The following PTCHD4 variants were observed in gnomAD, a reference collection of about 807,000 sequenced individuals.
PTCHD4 encodes the protein patched domain containing 4.
PTCHD4 carries 33 observed loss-of-function variants against 58.1 expected under a neutral mutation model. That is an observed-to-expected ratio of 0.57 (90% CI 0.43 to 0.76). PTCHD4 has a LOEUF of 0.76. Ranked by LOEUF, PTCHD4 falls within the 30% of genes least tolerant of loss-of-function variation. The probability of loss-of-function intolerance (pLI) is 0.00; values close to 1 mark genes in which losing one functional copy is unlikely to be tolerated. For missense variants in PTCHD4, 1,058 were observed against 1,027.1 expected, an observed-to-expected ratio of 1.03 and a Z score of -0.41; for synonymous variants, 478 against 409.6, an observed-to-expected ratio of 1.17 and a Z score of -2.02.
intron 4 of PTCHD4, among the ~76,000 whole-genome samples, chr6:47,912,712 A>T (rs1414226682): frequency 2.6e-5 from 4 of 152,162 alleles, no homozygotes; most frequent in Non-Finnish European, 1.5e-5. Flanking sequence ...AATTTGAGGT[A>T]AAATAAACCC....
At chr6:47,922,615 C>G (rs189042712) in intron 4 of PTCHD4, among the ~76,000 whole-genome samples, 174 of 152,340 alleles carry the variant, frequency 1.1e-3, no homozygotes, top group African/African-American at 3.8e-3. Context: ...CAAGTGGAAT[C>G]TGGGCTGGAT....
intron 3 of PTCHD4, among the ~76,000 whole-genome samples, chr6:48,035,243 T>C (rs959283036): frequency 2.0e-5 from 3 of 152,036 alleles, no homozygotes; most frequent in African/African-American, 4.8e-5. Context: ...ATCTAACAGC[T>C]CAGACTCTAT....
At chr6:47,976,011 G>A (rs948632528) in intron 4 of PTCHD4, among the ~76,000 whole-genome samples, 4 of 151,962 alleles carry the variant, frequency 2.6e-5, no homozygotes, top group Admixed American at 2.0e-4. Context: ...TACCTTTTTC[G>A]AGCATTTATG....
intron 4 of PTCHD4, among the ~76,000 whole-genome samples, chr6:47,891,109 C>T (rs563860551): frequency 6.7e-6 from 1 of 149,244 alleles, no homozygotes; most frequent in East Asian, 2.0e-4. Flanking sequence ...GTAATCCCAG[C>T]TACTTGGGAG....
chr6:47,970,301 T>C (rs953807192), intron 4 of PTCHD4, among the ~76,000 whole-genome samples: 9 of 152,054 alleles, frequency 5.9e-5, no homozygotes, highest in African/African-American at 2.2e-4. Context: ...TAAGAGACAA[T>C]ATTAGATGAA....
At chr6:48,015,066 A>ATAGGAGAG (rs1762820839) in intron 3 of PTCHD4, among the ~76,000 whole-genome samples, 1 of 150,570 alleles carries the variant, frequency 6.6e-6, no homozygotes, top group African/African-American at 2.5e-5. Flanking sequence ...AAAACCTCCT[A>ATAGGAGAG]CAAAAGTTCT....
In PTCHD4 at chr6:47,856,919, T is replaced by C. The variant is rs149297592; in HGVS notation, c.*21384A>G. On this transcript the variant is annotated 3_prime_UTR_variant, in exon 5 of 5. Coordinates refer to ENST00000339488, the MANE Select transcript of PTCHD4 (RefSeq NM_001384253.1). ...ATATGTTTGTAATAGCTTTTCATAA[T>C]GGGAAGGGACAATATTCATATTTAA... Among the ~76,000 whole-genome samples, 210 of 152,186 alleles carry C rather than the reference T, an allele frequency of 1.4e-3. 3 individuals are homozygous for C. Among genetic ancestry groups the C allele is most frequent in the African/African-American group, 4.8e-3 (199 of 41,574 alleles).
intron 4 of PTCHD4, among the ~76,000 whole-genome samples, chr6:47,961,448 A>G (rs1767091514): frequency 6.6e-6 from 1 of 151,846 alleles, no homozygotes; most frequent in South Asian, 2.1e-4. Context: ...CCCACTACCC[A>G]TGCCTGGCTA....
chr6:47,933,717 C>G (rs1271316577), intron 4 of PTCHD4, among the ~76,000 whole-genome samples: 1 of 152,004 alleles, frequency 6.6e-6, no homozygotes, highest in Non-Finnish European at 1.5e-5. Context: ...ATCATGAGTA[C>G]TAGTTATTTA....
chr6:47,875,451 C>G lies in PTCHD4; in HGVS notation c.*2852G>C, dbSNP rs1473324265. Among the ~76,000 whole-genome samples the G allele has an allele frequency of 6.6e-6, 1 of 151,820 alleles. No individual in the cohort carries two copies. The highest frequency in any genetic ancestry group is 1.9e-4 in the East Asian group (1 of 5,148). On this transcript the variant is annotated 3_prime_UTR_variant, in exon 5 of 5. Coordinates refer to ENST00000339488, the MANE Select transcript of PTCHD4 (RefSeq NM_001384253.1). ...TCAGACGATGCTCTGTTAGATTCTT[C>G]TTAGGATTAAATTACTTCCTAGGAC...
chr6:47,920,028 G>C (rs150544000), intron 4 of PTCHD4, among the ~76,000 whole-genome samples: 1 of 151,966 alleles, frequency 6.6e-6, no homozygotes, highest in Admixed American at 6.6e-5. Flanking sequence ...GAAGGAACCC[G>C]GTCCCTGAAT....
At chr6:48,061,769 A>C (rs1231691677) in intron 3 of PTCHD4, among the ~76,000 whole-genome samples, 2 of 152,186 alleles carry the variant, frequency 1.3e-5, no homozygotes, top group African/African-American at 2.4e-5. Context: ...CCATTGCCTA[A>C]ATACTTCTGC....
chr6:47,913,580 A>T (rs536519439), intron 4 of PTCHD4, among the ~76,000 whole-genome samples: 1 of 152,118 alleles, frequency 6.6e-6, no homozygotes, highest in Non-Finnish European at 1.5e-5. Flanking sequence ...AATGGGGAAA[A>T]TATTATATAT....
chr6:47,887,950 A>C (rs776666121), intron 4 of PTCHD4, among the ~76,000 whole-genome samples: 13 of 152,314 alleles, frequency 8.5e-5, no homozygotes, highest in Admixed American at 2.6e-4. Context: ...TTTTACCTGG[A>C]AACCTTTGAT....
intron 4 of PTCHD4, among the ~76,000 whole-genome samples, chr6:47,995,439 A>G (rs1021258139): frequency 1.3e-5 from 2 of 152,176 alleles, no homozygotes; most frequent in African/African-American, 4.8e-5. Flanking sequence ...CTTTTTACAT[A>G]TCTTGAGAAA....
At chr6:48,005,834 A>T (rs1021885893) in intron 4 of PTCHD4, among the ~76,000 whole-genome samples, 2 of 152,204 alleles carry the variant, frequency 1.3e-5, no homozygotes, top group Admixed American at 6.6e-5. Flanking sequence ...AAGATTCCAA[A>T]TCCTTTATTT....
At chr6:48,000,920 G>T (rs923443695) in intron 4 of PTCHD4, among the ~76,000 whole-genome samples, 13 of 151,860 alleles carry the variant, frequency 8.6e-5, no homozygotes, top group Non-Finnish European at 1.5e-4. Context: ...TCCCTCGAAA[G>T]AACAATGTGC....
At chr6:48,089,017 G>C (rs981053462) in intron 1 of PTCHD4, among the ~76,000 whole-genome samples, 2 of 152,076 alleles carry the variant, frequency 1.3e-5, no homozygotes, top group Non-Finnish European at 2.9e-5. Context: ...TTGCACTCCA[G>C]CCTAGGCAGC....
intron 4 of PTCHD4, among the ~76,000 whole-genome samples, chr6:47,998,482 A>G (rs1046500923): frequency 5.3e-5 from 8 of 152,298 alleles, no homozygotes; most frequent in Middle Eastern, 3.4e-3. Context: ...TATGCATCTC[A>G]CCCTCAGTAA....
Sources: gnomAD v4.1 joint callset for allele counts (sites outside exome capture counted in the v4.1 genomes callset) on GRCh38, gnomAD v4.1.1 for gene constraint, MANE v1.5 for transcripts, NCBI Gene and HGNC (gene_info 2026-07-23, HGNC 2026-07-21) for gene names.